The following PTPRT variants were observed in gnomAD, a reference collection of about 807,000 sequenced individuals.
The protein encoded by PTPRT is protein tyrosine phosphatase receptor type T, also known as receptor-type tyrosine-protein phosphatase T.
Under a neutral mutation model 176.8 loss-of-function variants are expected in PTPRT, and 56 were observed. That is an observed-to-expected ratio of 0.32 (90% CI 0.26 to 0.40). The LOEUF (loss-of-function observed/expected upper bound fraction) is 0.40. PTPRT is among the 10% of genes least tolerant of loss of function. PTPRT has a pLI of 1.00. For synonymous variants in PTPRT, 783 were observed against 739.0 expected, an observed-to-expected ratio of 1.06 and a Z score of -0.96; for missense variants, 1,540 against 1,908.2, an observed-to-expected ratio of 0.81 and a Z score of 3.60.
At chr20:42,602,039 C>T (rs2145792973) in intron 7 of PTPRT, among the ~76,000 whole-genome samples, 1 of 152,246 alleles carries the variant, frequency 6.6e-6, no homozygotes, top group South Asian at 2.1e-4. Flanking sequence ...AGAAATAATA[C>T]AGGGCTCCAT....
At chr20:42,709,906 C>T (rs1236452677) in intron 6 of PTPRT, among the ~76,000 whole-genome samples, 1 of 152,186 alleles carries the variant, frequency 6.6e-6, no homozygotes, top group Non-Finnish European at 1.5e-5. Context: ...ACTCATGTTA[C>T]ACCCTAGCAA....
At chr20:42,175,667 T>A (rs957097696) in intron 16 of PTPRT, among the ~76,000 whole-genome samples, 3 of 139,868 alleles carry the variant, frequency 2.1e-5, no homozygotes, top group African/African-American at 7.5e-5. Context: ...TTTTTGCAAG[T>A]AAATTTTATC....
chr20:42,262,955 T>C lies in PTPRT; in HGVS notation c.2177-14133A>G, dbSNP rs58620724. Among the ~76,000 whole-genome samples, 103 of 152,286 alleles carry C rather than the reference T, an allele frequency of 6.8e-4. 2 individuals carry two copies. The East Asian group carries it at 0.017, about 26-fold the overall frequency. On this transcript the variant is annotated intron_variant, in intron 13 of 30. Transcript: ENST00000373187. Reference sequence around the variant, plus strand: ...AGTAAAGGTTTTGCAGAGATCAAACTGTCTGAACTTGATCCTAGAGGATGA... The same window carrying C: ...AGTAAAGGTTTTGCAGAGATCAAACCGTCTGAACTTGATCCTAGAGGATGA...
chr20:43,051,919 A>T (rs1021244988), intron 1 of PTPRT, among the ~76,000 whole-genome samples: 1 of 152,212 alleles, frequency 6.6e-6, no homozygotes, highest in Non-Finnish European at 1.5e-5. Context: ...ATCAAAAAAA[A>T]TTACTTGAAA....
intron 3 of PTPRT, among the ~76,000 whole-genome samples, chr20:42,781,467 C>T (rs1016482387): frequency 6.6e-6 from 1 of 152,128 alleles, no homozygotes; most frequent in Non-Finnish European, 1.5e-5. Context: ...CAAGGAACAT[C>T]AGCGCTCTTG....
At chr20:42,956,467 C>A (rs978632258) in intron 1 of PTPRT, among the ~76,000 whole-genome samples, 1 of 150,370 alleles carries the variant, frequency 6.7e-6, no homozygotes, top group Non-Finnish European at 1.5e-5. Context: ...GAGACACCTG[C>A]TCCCCCTTTG....
chr20:42,469,183 A>C (rs1055370292), intron 8 of PTPRT, among the ~76,000 whole-genome samples: 10 of 152,094 alleles, frequency 6.6e-5, no homozygotes, highest in African/African-American at 2.2e-4. Flanking sequence ...GTGCACGAGA[A>C]TCTATAAGAT....
In PTPRT at chr20:43,031,043, C is replaced by G. The variant is rs147976561; in HGVS notation, c.89-145111G>C. 4.6e-3 allele frequency among the ~76,000 whole-genome samples: 695 copies of G among 152,262 alleles called. 5 individuals are homozygous for G. Among genetic ancestry groups the G allele is most frequent in the African/African-American group, 0.013 (541 of 41,552 alleles). On this transcript the variant is annotated intron_variant, in intron 1 of 30. Transcript: ENST00000373187. The stretch of plus-strand genomic sequence containing the variant: ...AGTTGCAACATAGTCCATGGCTGAT[C>G]ACCTAGGGAGCTCTAAACTTTGGAT...
intron 6 of PTPRT, among the ~76,000 whole-genome samples, chr20:42,724,297 C>T (rs888417475): frequency 6.6e-6 from 1 of 152,124 alleles, no homozygotes; most frequent in African/African-American, 2.4e-5. Flanking sequence ...CTGTTTGCTC[C>T]CCTAATTCAG....
chr20:42,579,886 A>G (rs558909015), intron 7 of PTPRT, among the ~76,000 whole-genome samples: 16 of 152,210 alleles, frequency 1.1e-4, no homozygotes, highest in South Asian at 6.2e-4. Flanking sequence ...TTCTTTTGCT[A>G]TGCAGAAGCT....
chr20:42,499,572 G>A (rs896179348), intron 7 of PTPRT, among the ~76,000 whole-genome samples: 6 of 152,140 alleles, frequency 3.9e-5, no homozygotes, highest in East Asian at 1.9e-4. Flanking sequence ...TTACAGGCGT[G>A]AGCCACCATG....
intron 2 of PTPRT, among the ~76,000 whole-genome samples, chr20:42,796,406 A>T (rs2077454398): frequency 6.6e-6 from 1 of 152,242 alleles, no homozygotes; most frequent in Admixed American, 6.5e-5. Context: ...CCAAAGCATA[A>T]CAAATTACAT....
intron 1 of PTPRT, among the ~76,000 whole-genome samples, chr20:43,167,248 A>T (rs2014881154): frequency 6.6e-6 from 1 of 152,230 alleles, no homozygotes; most frequent in South Asian, 2.1e-4. Context: ...ATACAGCAAC[A>T]AAGAAAGGAA....
chr20:42,160,167 C>T (rs1468374471), intron 17 of PTPRT, among the ~76,000 whole-genome samples: 1 of 151,654 alleles, frequency 6.6e-6, no homozygotes, highest in African/African-American at 2.4e-5. Flanking sequence ...ACAAAAAAAC[C>T]ACAAATACAT....
chr20:42,947,447 A>G (rs1980953410), intron 1 of PTPRT, among the ~76,000 whole-genome samples: 1 of 152,136 alleles, frequency 6.6e-6, no homozygotes, highest in African/African-American at 2.4e-5. Flanking sequence ...TGTTCTCCAT[A>G]GAGCAGGGAA....
In PTPRT at chr20:42,591,975, CTTTTTT is replaced by C. The variant is rs71335866; in HGVS notation, c.1153+85885_1153+85890del. ...GGTCATGGTCAGTTTGCTGGAGATT[CTTTTTT>C]TTTTTTTTTTTTTTTTGACATGGAG... is the stretch of plus-strand genomic sequence containing the variant. On this transcript the variant is annotated intron_variant, in intron 7 of 30. Transcript: ENST00000373187. Among the ~76,000 whole-genome samples, 564 of 102,378 alleles carry C rather than the reference CTTTTTT, an allele frequency of 5.5e-3. 3 individuals carry two copies. The Middle Eastern group carries it at 0.06, about 11-fold the overall frequency. 67.2% of individuals were successfully genotyped at this position (102,378 alleles called of 152,430 possible).
At chr20:42,132,319 T>G (rs893917735) in intron 18 of PTPRT, among the ~76,000 whole-genome samples, 1 of 152,184 alleles carries the variant, frequency 6.6e-6, no homozygotes, top group Non-Finnish European at 1.5e-5. Context: ...CAATACTATA[T>G]GGCATGAGAG....
chr20:42,434,228 AAAACT>A (rs1392464558), intron 9 of PTPRT, among the ~76,000 whole-genome samples: 1 of 152,214 alleles, frequency 6.6e-6, no homozygotes, highest in Non-Finnish European at 1.5e-5. Flanking sequence ...ACATTTAATG[AAAACT>A]AAATTATTTT....
At chr20:42,689,506 G>A (rs1405578813) in intron 6 of PTPRT, among the ~76,000 whole-genome samples, 2 of 152,158 alleles carry the variant, frequency 1.3e-5, no homozygotes, top group Admixed American at 6.5e-5. Context: ...GGCAACTGAA[G>A]GAGTGAGCCA....
Sources: gnomAD v4.1 joint callset for allele counts (sites outside exome capture counted in the v4.1 genomes callset) on GRCh38, gnomAD v4.1.1 for gene constraint, MANE v1.5 for transcripts, NCBI Gene and HGNC (gene_info 2026-07-23, HGNC 2026-07-21) for gene names.